The following RELN variants were observed in gnomAD, a reference collection of about 807,000 sequenced individuals.
RELN encodes reelin.
In RELN, 108 loss-of-function variants were observed where a neutral mutation model predicts 427.6. That is an observed-to-expected ratio of 0.25 (90% CI 0.22 to 0.30). RELN has a LOEUF of 0.30. RELN is among the 10% of genes least tolerant of loss of function. RELN has a pLI of 1.00. For synonymous variants in RELN, 1,524 were observed against 1,513.4 expected, an observed-to-expected ratio of 1.01 and a Z score of -0.16; for missense variants, 3,715 against 4,302.8, an observed-to-expected ratio of 0.86 and a Z score of 3.82.
At chr7:103,854,264 G>C (rs532378718) in intron 2 of RELN, among the ~76,000 whole-genome samples, 5 of 152,236 alleles carry the variant, frequency 3.3e-5, no homozygotes, top group African/African-American at 1.2e-4. Flanking sequence ...AATGACTTTA[G>C]TCACCATTAC....
chr7:103,979,338 T>C (rs1317310630), intron 1 of RELN, among the ~76,000 whole-genome samples: 2 of 152,190 alleles, frequency 1.3e-5, no homozygotes, highest in Non-Finnish European at 2.9e-5. Flanking sequence ...TCACTAGACA[T>C]GACACATGCC....
intron 2 of RELN, among the ~76,000 whole-genome samples, chr7:103,863,325 G>T (rs1794116083): frequency 6.6e-6 from 1 of 152,100 alleles, no homozygotes; most frequent in Non-Finnish European, 1.5e-5. Flanking sequence ...TGTTAGAGCT[G>T]GAAAGGGCCC....
At chr7:103,984,686 T>C (rs1303502704) in intron 1 of RELN, among the ~76,000 whole-genome samples, 1 of 152,116 alleles carries the variant, frequency 6.6e-6, no homozygotes, top group Non-Finnish European at 1.5e-5. Flanking sequence ...AAATGCCCAA[T>C]TTTCATAGTC....
At position 103,678,204 on chromosome 7, in the gene RELN, G is replaced by A. The variant is rs187017731; in HGVS notation, c.1289+3912C>T. 1.3e-3 allele frequency among the ~76,000 whole-genome samples: 204 copies of A among 152,176 alleles called. 2 individuals are homozygous for A. The highest frequency in any genetic ancestry group is 6.2e-3 in the Admixed American group (95 of 15,290). ...AATAGTAAAAGCATATAATGTTTAC[G>A]TTTGGGATGAAAGGCAAATACACAA... On this transcript the variant is annotated intron_variant, in intron 11 of 64. Transcript: ENST00000428762.
intron 8 of RELN, among the ~76,000 whole-genome samples, chr7:103,709,364 G>A (rs1034415203): frequency 6.6e-6 from 1 of 152,158 alleles, no homozygotes; most frequent in African/African-American, 2.4e-5. Flanking sequence ...TAAGCTACAA[G>A]TATAAATTAC....
intron 2 of RELN, among the ~76,000 whole-genome samples, chr7:103,883,578 A>G (rs1794655370): frequency 1.3e-5 from 2 of 152,274 alleles, no homozygotes; most frequent in Admixed American, 1.3e-4. Context: ...AAGTAACTTC[A>G]GCAAAGTCTC....
At position 103,555,508 on chromosome 7, in the gene RELN, C is replaced by T. The variant is rs114057935; in HGVS notation, c.5797+1469G>A. Reference sequence around the variant, plus strand: ...CATAGTATGAAGACAGCAATCCCTCCGTCACCCAGGCTGGAGTGCAGTGTC... The same window carrying T: ...CATAGTATGAAGACAGCAATCCCTCTGTCACCCAGGCTGGAGTGCAGTGTC... On this transcript the variant is annotated intron_variant, in intron 38 of 64. Coordinates refer to ENST00000428762, the MANE Select transcript of RELN (RefSeq NM_005045.4). 5.5e-3 allele frequency among the ~76,000 whole-genome samples: 834 copies of T among 152,188 alleles called. 5 individuals carry two copies. Among genetic ancestry groups the T allele is most frequent in the African/African-American group, 0.019 (786 of 41,534 alleles).
chr7:103,833,343 A>G (rs1331763929), intron 3 of RELN, among the ~76,000 whole-genome samples, 194 bp downstream of exon 3: 3 of 152,214 alleles, frequency 2.0e-5, no homozygotes, highest in African/African-American at 7.2e-5. Context: ...GGAGGTACAT[A>G]TAACTATGCA....
At chr7:103,605,074 C>T (rs34147889) in intron 22 of RELN, among the ~76,000 whole-genome samples, 16,630 of 152,206 alleles carry the variant, frequency 0.11, 984 homozygotes, top group South Asian at 0.18. Flanking sequence ...AGATAATCCA[C>T]CCGCCTTGGC....
rs114348416 is a variant in RELN, at chr7:103,709,291, C to T, written c.806-8285G>A. Among the ~76,000 whole-genome samples, 1,475 of 152,238 alleles carry T rather than the reference C, an allele frequency of 9.7e-3. 30 individuals are homozygous for T. The highest frequency in any genetic ancestry group is 0.034 in the African/African-American group (1,392 of 41,532). ...CCAAGTATTATCTGGGTAACAACAT[C>T]ACATGGTTCTGCCAATGCTACATTT... On this transcript the variant is annotated intron_variant, in intron 8 of 64. Transcript: ENST00000428762.
In RELN at chr7:103,500,938, A is replaced by G; in HGVS notation, c.8490-16T>C. 1 of 1,613,730 alleles carries G rather than the reference A, an allele frequency of 6.2e-7. No individual in the cohort carries two copies. Among genetic ancestry groups the G allele is most frequent in the Non-Finnish European group, 8.5e-7 (1 of 1,179,684 alleles). ...CCTTACCGGACTATTGACAATGCAA[A>G]AGCAAAGGAGTGAAAAACAAAAGTT... On this transcript the variant is annotated splice_polypyrimidine_tract_variant and intron_variant, in intron 52 of 64. Transcript: ENST00000428762.
intron 3 of RELN, among the ~76,000 whole-genome samples, chr7:103,793,172 G>C (rs1385490713): frequency 6.6e-6 from 1 of 152,014 alleles, no homozygotes; most frequent in Non-Finnish European, 1.5e-5. Flanking sequence ...TGTATAAGTA[G>C]TTCTTCTTTT....
chr7:103,666,652 T>A (rs1833274071), intron 11 of RELN, among the ~76,000 whole-genome samples: 1 of 152,184 alleles, frequency 6.6e-6, no homozygotes, highest in African/African-American at 2.4e-5. Flanking sequence ...GAAATATTTT[T>A]ACAAAGGGGT....
rs184253043 is a variant in RELN, at chr7:103,760,751, T to C, written c.545-7537A>G. 2.2e-3 allele frequency among the ~76,000 whole-genome samples: 328 copies of C among 152,314 alleles called. 2 individuals are homozygous for C. The highest frequency in any genetic ancestry group is 0.01 in the Middle Eastern group (3 of 294). The stretch of plus-strand genomic sequence containing the variant: ...GAATCATTTTGGAATTCAAAGGCCC[T>C]AGGTAGTTTTGCCTCAGGTATCTCT... On this transcript the variant is annotated intron_variant, in intron 4 of 64. Coordinates refer to ENST00000428762, the MANE Select transcript of RELN (RefSeq NM_005045.4).
chr7:103,564,585 T>A (rs1166970621), intron 34 of RELN, among the ~76,000 whole-genome samples: 1 of 152,030 alleles, frequency 6.6e-6, no homozygotes, highest in Admixed American at 6.6e-5. Context: ...GATTTATCCC[T>A]TATCTCTCCC....
chr7:103,942,203 TAATA>T (rs1796129734), intron 1 of RELN, among the ~76,000 whole-genome samples: 2 of 152,290 alleles, frequency 1.3e-5, no homozygotes, highest in African/African-American at 4.8e-5. Flanking sequence ...ATACAATAAT[TAATA>T]GTTACAGTCA....
At position 103,489,337 on chromosome 7, in the gene RELN, C is replaced by A. The variant is rs1584221754; in HGVS notation, c.9763+405G>T. On this transcript the variant is annotated intron_variant, in intron 60 of 64. Transcript: ENST00000428762. The stretch of plus-strand genomic sequence containing the variant: ...AGGCTGAGGAAGGAGGGATACTGGT[C>A]AAGTATGTAGGCACAGGCAGCTAGG... Among the ~76,000 whole-genome samples the A allele has an allele frequency of 2.0e-5, 3 of 151,806 alleles. No homozygotes were observed. The South Asian group carries it at 6.2e-4, about 32-fold the overall frequency.
At chr7:103,983,961 G>T (rs1254887348) in intron 1 of RELN, among the ~76,000 whole-genome samples, 3 of 151,856 alleles carry the variant, frequency 2.0e-5, no homozygotes, top group African/African-American at 7.3e-5. Flanking sequence ...CTTTTCAAAT[G>T]TAAAGGTTAT....
chr7:103,711,058 T>A (rs944768385), intron 8 of RELN, among the ~76,000 whole-genome samples: 2 of 149,112 alleles, frequency 1.3e-5, no homozygotes, highest in East Asian at 1.9e-4. Flanking sequence ...AAAATTTTTT[T>A]AAATAAATAA....
Sources: allele counts gnomAD v4.1 joint callset (sites outside exome capture counted in the v4.1 genomes callset), GRCh38; gene constraint gnomAD v4.1.1; transcripts MANE v1.5; gene names NCBI Gene and HGNC (gene_info 2026-07-23, HGNC 2026-07-21).